Variants in GALNT13 observed in about 807,000 individuals in gnomAD.
GALNT13 encodes UDP-GalNAc:polypeptide N-acetylgalactosaminyltransferase 13.
A neutral mutation model predicts 64.2 loss-of-function variants in GALNT13; 28 were observed. The ratio of observed to expected loss-of-function variants is 0.44; its 90% confidence interval spans 0.32 to 0.60. GALNT13 has a LOEUF of 0.60. GALNT13 is among the 20% of genes least tolerant of loss of function. GALNT13 has a pLI of 0.05. For missense variants in GALNT13, 577 were observed against 669.8 expected (o/e 0.86, Z 1.53); for synonymous variants, 214 against 224.6 (o/e 0.95, Z 0.42).
intron 2 of GALNT13, among the ~76,000 whole-genome samples, chr2:153,932,559 T>C (rs1257348494): frequency 6.6e-6 from 1 of 151,990 alleles, no homozygotes; most frequent in Non-Finnish European, 1.5e-5. Flanking sequence ...AGGAGCAGGT[T>C]AATTTCCATG....
chr2:153,487,892 A>G, the GALNT13 span, among the ~76,000 whole-genome samples: 5 of 152,218 alleles, frequency 3.3e-5, no homozygotes, highest in African/African-American at 1.2e-4. Flanking sequence ...TTTCCACTTG[A>G]AAGCCATGGG....
At chr2:154,328,104 G>A (rs1186106669) in intron 9 of GALNT13, among the ~76,000 whole-genome samples, 3 of 151,938 alleles carry the variant, frequency 2.0e-5, no homozygotes, top group Non-Finnish European at 4.4e-5. Flanking sequence ...GAATATCTTT[G>A]TCCCCAGCAT....
At chr2:154,237,404 T>C (rs1026626522) in intron 4 of GALNT13, among the ~76,000 whole-genome samples, 22 of 148,830 alleles carry the variant, frequency 1.5e-4, no homozygotes, top group African/African-American at 5.4e-4. Flanking sequence ...TATCTATTTG[T>C]TTTGTTTTAA....
chr2:154,034,886 G>C (rs1472663080), intron 3 of GALNT13, among the ~76,000 whole-genome samples: 1 of 151,994 alleles, frequency 6.6e-6, no homozygotes, highest in Non-Finnish European at 1.5e-5. Flanking sequence ...AGTCAAAATG[G>C]CTATTATTAA....
chr2:153,726,757 G>A, the GALNT13 span, among the ~76,000 whole-genome samples: 9 of 151,800 alleles, frequency 5.9e-5, no homozygotes, highest in African/African-American at 1.2e-4. Context: ...TGGCTAACAC[G>A]GTGAAACCCT....
At chr2:154,235,491 C>T (rs1022268549) in intron 4 of GALNT13, among the ~76,000 whole-genome samples, 1 of 152,146 alleles carries the variant, frequency 6.6e-6, no homozygotes, top group Admixed American at 6.6e-5. Context: ...TGAAATTTCT[C>T]TCTCTGAATA....
chr2:153,637,624 T>C, the GALNT13 span, among the ~76,000 whole-genome samples: 1 of 152,140 alleles, frequency 6.6e-6, no homozygotes, highest in Non-Finnish European at 1.5e-5. Flanking sequence ...TAGATGCATG[T>C]TATCAATGAG....
At chr2:154,348,184 G>T (rs994292181) in intron 9 of GALNT13, among the ~76,000 whole-genome samples, 3 of 152,030 alleles carry the variant, frequency 2.0e-5, no homozygotes, top group African/African-American at 7.2e-5. Context: ...TTATAATCTT[G>T]GTCTTGGTTC....
the GALNT13 span, among the ~76,000 whole-genome samples, chr2:153,179,064 T>C: frequency 6.6e-6 from 1 of 152,138 alleles, no homozygotes; most frequent in Non-Finnish European, 1.5e-5. Context: ...TTTCTGTTTT[T>C]GCTTTTGTTG....
At chr2:153,114,117 G>C in the GALNT13 span, among the ~76,000 whole-genome samples, 23,064 of 152,028 alleles carry the variant, frequency 0.15, 1,947 homozygotes, top group Middle Eastern at 0.22. Flanking sequence ...TAATGCTATG[G>C]ACAGGACCTG....
intron 4 of GALNT13, among the ~76,000 whole-genome samples, chr2:154,222,527 C>T (rs1306492131): frequency 6.6e-6 from 1 of 151,954 alleles, no homozygotes; most frequent in Non-Finnish European, 1.5e-5. Context: ...TGGCCTATTC[C>T]TTTTGTTTTT....
intron 11 of GALNT13, chr2:154,437,846 T>TC (rs1701066334): frequency 1.2e-5 from 1 of 86,304 alleles, no homozygotes; most frequent in South Asian, 1.9e-4. Context: ...AGAGCAAGAC[T>TC]CCATCTAAAA....
chr2:153,630,341 G>A, the GALNT13 span, among the ~76,000 whole-genome samples: 6 of 151,712 alleles, frequency 4.0e-5, no homozygotes, highest in East Asian at 1.9e-4. Flanking sequence ...AGTTCATGTC[G>A]TTTGTAGGGA....
the GALNT13 span, among the ~76,000 whole-genome samples, chr2:153,330,185 T>C: frequency 6.6e-6 from 1 of 152,220 alleles, no homozygotes; most frequent in Non-Finnish European, 1.5e-5. Flanking sequence ...TGTAGCCTTA[T>C]AGTATAGTTT....
chr2:154,149,729 G>T (rs1180882744), intron 4 of GALNT13, among the ~76,000 whole-genome samples: 16 of 152,114 alleles, frequency 1.1e-4, no homozygotes, highest in Non-Finnish European at 2.1e-4. Flanking sequence ...CTCTCTGTTT[G>T]TCTGTTATTG....
At chr2:153,932,499 A>C (rs549099569) in intron 2 of GALNT13, among the ~76,000 whole-genome samples, 1 of 152,048 alleles carries the variant, frequency 6.6e-6, no homozygotes, top group African/African-American at 2.4e-5. Context: ...TTAGTTTCAA[A>C]GAATTTCTTG....
At chr2:153,075,090 A>C in the GALNT13 span, among the ~76,000 whole-genome samples, 1 of 152,148 alleles carries the variant, frequency 6.6e-6, no homozygotes, top group Non-Finnish European at 1.5e-5. Flanking sequence ...TAGGTTTCTG[A>C]ACCGTTTTAG....
chr2:153,305,082 G>T, the GALNT13 span, among the ~76,000 whole-genome samples: 50 of 152,198 alleles, frequency 3.3e-4, no homozygotes, highest in Middle Eastern at 3.4e-3. Flanking sequence ...AAATATATTT[G>T]TTAGGCACTA....
intron 4 of GALNT13, among the ~76,000 whole-genome samples, chr2:154,200,209 C>T (rs1379190104): frequency 6.6e-6 from 1 of 151,908 alleles, no homozygotes; most frequent in African/African-American, 2.4e-5. Flanking sequence ...CAAGTCAGTC[C>T]TCTAAGTGTG....
Sources: allele counts gnomAD v4.1 joint callset (sites outside exome capture counted in the v4.1 genomes callset), GRCh38; gene constraint gnomAD v4.1.1; transcripts MANE v1.5; gene names NCBI Gene and HGNC (gene_info 2026-07-23, HGNC 2026-07-21).